The following CNTNAP2 variants were observed in gnomAD, a reference collection of about 807,000 sequenced individuals.
The protein encoded by CNTNAP2 is contactin associated protein 2, also known as contactin-associated protein-like 2.
In CNTNAP2, 98 loss-of-function variants were observed where a neutral mutation model predicts 155.2. The observed-to-expected ratio is 0.63, with a 90% CI of 0.54 to 0.75. The LOEUF (loss-of-function observed/expected upper bound fraction) is 0.75. Among genes scored for constraint, CNTNAP2 ranks in the 30% least tolerant of loss-of-function variants. CNTNAP2 has a pLI of 0.00. For synonymous variants in CNTNAP2, 651 were observed against 631.2 expected, an observed-to-expected ratio of 1.03 and a Z score of -0.47; for missense variants, 1,727 against 1,688.1, an observed-to-expected ratio of 1.02 and a Z score of -0.40.
intron 20 of CNTNAP2, among the ~76,000 whole-genome samples, chr7:148,239,653 G>T (rs1796110047): frequency 6.6e-6 from 1 of 152,284 alleles, no homozygotes; most frequent in South Asian, 2.1e-4. Flanking sequence ...TCAGAAAGTA[G>T]CAGTATTTGA....
intron 2 of CNTNAP2, among the ~76,000 whole-genome samples, chr7:146,779,526 G>C (rs185175289): frequency 2.0e-5 from 3 of 152,254 alleles, no homozygotes; most frequent in East Asian, 3.9e-4. Context: ...TTGAAGATTT[G>C]AGTCAAGTTC....
chr7:147,007,853 T>A (rs1162999213), intron 3 of CNTNAP2, among the ~76,000 whole-genome samples: 3 of 152,132 alleles, frequency 2.0e-5, no homozygotes, highest in East Asian at 1.9e-4. Context: ...ACAAAAAAAA[T>A]ACTTATTTCC....
intron 13 of CNTNAP2, among the ~76,000 whole-genome samples, chr7:147,788,424 T>C (rs909061540): frequency 6.6e-6 from 1 of 152,222 alleles, no homozygotes; most frequent in Non-Finnish European, 1.5e-5. Flanking sequence ...TTACCACTTA[T>C]TTTCCAGATA....
At chr7:147,113,288 G>A (rs1313591095) in intron 5 of CNTNAP2, among the ~76,000 whole-genome samples, 1 of 151,940 alleles carries the variant, frequency 6.6e-6, no homozygotes, top group Non-Finnish European at 1.5e-5. Context: ...CAGTGGTGAT[G>A]CCCCCCTTAC....
intron 13 of CNTNAP2, among the ~76,000 whole-genome samples, chr7:147,874,469 A>G (rs972114510): frequency 6.6e-6 from 1 of 152,232 alleles, no homozygotes; most frequent in Admixed American, 6.5e-5. Flanking sequence ...CTCAAGCTGT[A>G]CTTTGGCTCC....
intron 21 of CNTNAP2, among the ~76,000 whole-genome samples, chr7:148,383,053 T>C (rs935765830): frequency 3.9e-5 from 6 of 152,144 alleles, no homozygotes; most frequent in Admixed American, 3.3e-4. Flanking sequence ...TTGTGATTGA[T>C]TGGGTTGGGA....
rs147184007 is a variant in CNTNAP2 at position 148,392,047 on chromosome 7, C to T, written c.3715+8159C>T. Among the ~76,000 whole-genome samples the T allele has an allele frequency of 7.3e-3, 1,109 of 152,226 alleles. 4 individuals carry two copies. Among genetic ancestry groups the T allele is most frequent in the Middle Eastern group, 0.014 (4 of 294 alleles). On this transcript the variant is annotated intron_variant, in intron 22 of 23. Coordinates refer to ENST00000361727, the MANE Select transcript of CNTNAP2 (RefSeq NM_014141.6). ...GTAAAGTTTCATTTCCTAAGGGATC[C>T]TCTAGTTGTAAAGATTGCAGCTAGT...
chr7:146,624,259 T>C (rs993765339), intron 1 of CNTNAP2, among the ~76,000 whole-genome samples: 3 of 152,084 alleles, frequency 2.0e-5, no homozygotes, highest in Admixed American at 6.6e-5. Context: ...TATTTTAAAC[T>C]TTAATAACGT....
At chr7:147,012,541 A>G (rs1798646474) in intron 3 of CNTNAP2, among the ~76,000 whole-genome samples, 1 of 152,174 alleles carries the variant, frequency 6.6e-6, no homozygotes, top group Admixed American at 6.6e-5. Context: ...TTGAACCTAA[A>G]TAGTAGTTCT....
intron 1 of CNTNAP2, among the ~76,000 whole-genome samples, chr7:146,476,796 T>A (rs984861673): frequency 2.0e-5 from 3 of 152,184 alleles, no homozygotes; most frequent in Admixed American, 2.0e-4. Context: ...AGTACAACCT[T>A]AGATAAAATC....
intron 2 of CNTNAP2, among the ~76,000 whole-genome samples, chr7:146,829,644 C>T (rs779660208): frequency 1.4e-4 from 21 of 151,990 alleles, no homozygotes; most frequent in Non-Finnish European, 8.8e-5. Flanking sequence ...GACATAAAAG[C>T]ACGTATACTT....
chr7:147,235,855 A>C (rs957636802), intron 8 of CNTNAP2, among the ~76,000 whole-genome samples: 4 of 152,240 alleles, frequency 2.6e-5, no homozygotes, highest in African/African-American at 9.6e-5. Context: ...GAGGGACTAC[A>C]TGCACATCTG....
At chr7:147,131,105 C>T (rs945402025) in intron 7 of CNTNAP2, among the ~76,000 whole-genome samples, 1 of 139,890 alleles carries the variant, frequency 7.1e-6, no homozygotes, top group Non-Finnish European at 1.6e-5. Flanking sequence ...TATACACACA[C>T]ATATATATAC....
chr7:146,983,561 T>C (rs942410327), intron 3 of CNTNAP2, among the ~76,000 whole-genome samples: 7 of 152,166 alleles, frequency 4.6e-5, no homozygotes, highest in African/African-American at 1.7e-4. Context: ...AAGATTCAAA[T>C]GTGATACTCT....
intron 9 of CNTNAP2, among the ~76,000 whole-genome samples, chr7:147,328,482 G>A (rs569390926): frequency 6.6e-6 from 1 of 152,314 alleles, no homozygotes; most frequent in African/African-American, 2.4e-5. Context: ...AGCCACATGT[G>A]TGCAAGGACT....
intron 3 of CNTNAP2, among the ~76,000 whole-genome samples, chr7:146,864,168 A>G: frequency 6.6e-6 from 1 of 152,208 alleles, no homozygotes. Context: ...CAAAAGAATA[A>G]AATTAGAGAT....
At chr7:147,648,668 T>C (rs1463371806) in intron 13 of CNTNAP2, among the ~76,000 whole-genome samples, 1 of 152,154 alleles carries the variant, frequency 6.6e-6, no homozygotes, top group African/African-American at 2.4e-5. Flanking sequence ...GTGAGACTTA[T>C]TCACTATCAT....
At chr7:146,277,639 G>T (rs1800184824) in intron 1 of CNTNAP2, among the ~76,000 whole-genome samples, 1 of 152,098 alleles carries the variant, frequency 6.6e-6, no homozygotes, top group Non-Finnish European at 1.5e-5. Flanking sequence ...CATGTTTGGG[G>T]TTTATATTTG....
rs557564581 is a variant in CNTNAP2, at chr7:146,352,868, C to A, written c.97+235895C>A. On this transcript the variant is annotated intron_variant, in intron 1 of 23. Transcript: ENST00000361727. Reference sequence around the variant, plus strand: ...CTCCCGGGTTCACGCCATTCTCCTGCCTCAGCCTCCCTAGTCGCTAGGACT... The same window carrying A: ...CTCCCGGGTTCACGCCATTCTCCTGACTCAGCCTCCCTAGTCGCTAGGACT... Among the ~76,000 whole-genome samples the A allele has an allele frequency of 2.2e-3, 331 of 148,690 alleles. 1 individual carries two copies. Among genetic ancestry groups the A allele is most frequent in the Middle Eastern group, 0.01 (3 of 288 alleles).
Sources: allele counts gnomAD v4.1 joint callset (sites outside exome capture counted in the v4.1 genomes callset), GRCh38; gene constraint gnomAD v4.1.1; transcripts MANE v1.5; gene names NCBI Gene and HGNC (gene_info 2026-07-23, HGNC 2026-07-21).